WDR3: variants seen among roughly 807,000 people sequenced by gnomAD.
WDR3 encodes WD repeat-containing protein 3.
WDR3 carries 81 observed loss-of-function variants against 123.7 expected under a neutral mutation model. The observed-to-expected ratio is 0.65, with a 90% CI of 0.55 to 0.79. WDR3 has a LOEUF of 0.79. Ranked by LOEUF, WDR3 falls within the 30% of genes least tolerant of loss-of-function variation. The pLI is 0.00. For missense variants in WDR3, 1,027 were observed against 1,123.2 expected, an observed-to-expected ratio of 0.91 and a Z score of 1.22; for synonymous variants, 390 against 388.8, an observed-to-expected ratio of 1.00 and a Z score of -0.04.
chr1:117,966,487 A>G lies in WDR3; in HGVS notation c.*7040A>G, dbSNP rs942432663. 7.7e-6 allele frequency: 8 copies of G among 1,044,472 alleles called. No homozygotes were observed. Among genetic ancestry groups the G allele is most frequent in the East Asian group, 5.3e-5 (2 of 37,834 alleles). The allele number at this position is 1,044,472 out of a possible 1,614,324, so 64.7% of individuals were successfully genotyped here. A position where few individuals can be genotyped will look rare whatever the true frequency, so the allele number is the denominator to read the frequency against. ...ATGAAGATGCTCTTTGTCTTAATAAATTTAACTCTGATTTTGAAGATAGAA... is the reference window on the plus strand; with the variant it reads ...ATGAAGATGCTCTTTGTCTTAATAAGTTTAACTCTGATTTTGAAGATAGAA... On this transcript the variant is annotated 3_prime_UTR_variant, in exon 27 of 27. Coordinates refer to ENST00000349139, the MANE Select transcript of WDR3 (RefSeq NM_006784.3).
In WDR3 at chr1:117,954,212, A is replaced by G. The variant is rs979156404; in HGVS notation, c.2361+113A>G. Reference sequence around the variant, plus strand: ...CAGGATATGCAATAAATGGAATAGAATCTTTCCAACTCACTATATTAGAAG... The same window carrying G: ...CAGGATATGCAATAAATGGAATAGAGTCTTTCCAACTCACTATATTAGAAG... On this transcript the variant is annotated intron_variant, in intron 22 of 26. Coordinates refer to ENST00000349139, the MANE Select transcript of WDR3 (RefSeq NM_006784.3). 4 of 886,838 alleles carry G rather than the reference A, an allele frequency of 4.5e-6. No individual in the cohort carries two copies. In the African/African-American group the frequency reaches 5.1e-5, roughly 11 times the overall value. 54.9% of individuals were successfully genotyped at this position (886,838 alleles called of 1,614,324 possible). A position where few individuals can be genotyped will look rare whatever the true frequency, so the allele number is the denominator to read the frequency against.
intron 16 of WDR3, 23 bp from the exon 17 acceptor site, chr1:117,951,953 T>C: frequency 3.1e-6 from 5 of 1,592,858 alleles, no homozygotes; most frequent in South Asian, 1.1e-5. Flanking sequence ...ATCAAGGTAG[T>C]GTTTTACTTT....
chr1:117,948,469 A>T lies in WDR3; in HGVS notation c.1487A>T (p.Asp496Val). 1 of 1,613,970 alleles carries T rather than the reference A, an allele frequency of 6.2e-7. No homozygotes were observed. The highest frequency in any genetic ancestry group is 8.5e-7 in the Non-Finnish European group (1 of 1,179,934). ...GNLLETIDAHDGALWSMSLSP... is the reference protein window; with the variant it reads ...GNLLETIDAHVGALWSMSLSP... ...CTGCTGGAGACAATAGATGCACATG[A>T]TGGAGCTTTGTGGTCCATGTCCCTC... Residue 496 changes from aspartate to valine, a missense_variant, in exon 13 of 27, where the codon GAT (aspartate) becomes GTT (valine). Physicochemically the swap from Asp to Val is radical, Grantham distance 152 (BLOSUM62 -3). Transcript: ENST00000349139.
intron 24 of WDR3, 96 bp downstream of exon 24, chr1:117,955,454 G>A: frequency 8.4e-7 from 1 of 1,193,346 alleles, no homozygotes; most frequent in Non-Finnish European, 1.2e-6. Context: ...ATAATTGATG[G>A]TTATCTTATA....
rs1247876003 is a variant in WDR3 at position 117,937,802 on chromosome 1, G to A, written c.501-678G>A. 3.9e-5 allele frequency among the ~76,000 whole-genome samples: 6 copies of A among 152,234 alleles called. No individual in the cohort carries two copies. The East Asian group carries it at 1.2e-3, about 29-fold the overall frequency. Reference sequence around the variant, plus strand: ...TGAGCAGGAGTAGTAGAGGCCATTGGCTGCGAGAGGTTATATTTAGGGGGT... The same window carrying A: ...TGAGCAGGAGTAGTAGAGGCCATTGACTGCGAGAGGTTATATTTAGGGGGT... On this transcript the variant is annotated intron_variant, in intron 4 of 26. Transcript: ENST00000349139.
intron 1 of WDR3, among the ~76,000 whole-genome samples, chr1:117,930,223 A>G (rs1052193909): frequency 6.6e-6 from 1 of 152,204 alleles, no homozygotes; most frequent in Non-Finnish European, 1.5e-5. Context: ...TTGGTCGTGA[A>G]CTGTCAGAAA....
intron 3 of WDR3, among the ~76,000 whole-genome samples, chr1:117,934,893 A>C (rs1335910379): frequency 2.0e-5 from 3 of 152,210 alleles, no homozygotes; most frequent in African/African-American, 7.2e-5. Flanking sequence ...AAAGCCTCTT[A>C]AGTGTAGGAA....
At chr1:117,931,408 A>G (rs74113097) in intron 1 of WDR3, among the ~76,000 whole-genome samples, 5,831 of 152,336 alleles carry the variant, frequency 0.038, 231 homozygotes, top group African/African-American at 0.095. Flanking sequence ...TTTTATTAAT[A>G]ATTCAAAGGT....
At chr1:117,954,669 G>T (rs2295631) in intron 23 of WDR3, 42 bp downstream of exon 23, 34,958 of 1,585,724 alleles carry the variant, frequency 0.022, 1,362 homozygotes, top group South Asian at 0.11. Flanking sequence ...TTATTAAAAG[G>T]TTACTTACAA....
chr1:117,942,856 C>A (rs1446103465), intron 10 of WDR3, among the ~76,000 whole-genome samples: 2 of 147,890 alleles, frequency 1.4e-5, no homozygotes, highest in East Asian at 4.0e-4. Context: ...TACACAGAAC[C>A]AAAGTATGTA....
At chr1:117,947,233 G>C (rs957648171) in intron 12 of WDR3, among the ~76,000 whole-genome samples, 1 of 152,204 alleles carries the variant, frequency 6.6e-6, no homozygotes, top group African/African-American at 2.4e-5. Flanking sequence ...GCTGGTAGCA[G>C]ACATAGCAGT....
chr1:117,954,987 G>T, intron 23 of WDR3: 1 of 379,482 alleles, frequency 2.6e-6, no homozygotes, highest in Admixed American at 4.3e-5. Flanking sequence ...AAGAGAGAGA[G>T]GGGAAGAGTG....
At chr1:117,937,915 A>G (rs1651002482) in intron 4 of WDR3, among the ~76,000 whole-genome samples, 1 of 152,216 alleles carries the variant, frequency 6.6e-6, no homozygotes, top group Admixed American at 6.5e-5. Flanking sequence ...TGCAAATATT[A>G]AAAATTAAGG....
chr1:117,965,884 C>T lies in WDR3; in HGVS notation c.*6437C>T, dbSNP rs1440815413. 6.6e-6 allele frequency: 1 copy of T among 152,214 alleles called. No homozygotes were observed. Among genetic ancestry groups the T allele is most frequent in the Non-Finnish European group, 1.5e-5 (1 of 68,036 alleles). 9.4% of individuals were successfully genotyped at this position (152,214 alleles called of 1,614,324 possible). A position where few individuals can be genotyped will look rare whatever the true frequency, so the allele number is the denominator to read the frequency against. ...ATACTCAAGCTTTTGGCAAGTTGAA[C>T]TCCCTGCCAATCATCCCAAACACCT... is the stretch of plus-strand genomic sequence containing the variant. On this transcript the variant is annotated 3_prime_UTR_variant, in exon 27 of 27. Transcript: ENST00000349139.
chr1:117,958,740 G>A (rs1652580143), intron 25 of WDR3, among the ~76,000 whole-genome samples, 170 bp from the exon 26 acceptor site: 1 of 148,906 alleles, frequency 6.7e-6, no homozygotes, highest in Non-Finnish European at 1.5e-5. Flanking sequence ...AAATTGAACT[G>A]AATAGTAGAG....
At chr1:117,945,644 C>G (rs942263349) in intron 11 of WDR3, among the ~76,000 whole-genome samples, 13 of 152,166 alleles carry the variant, frequency 8.5e-5, no homozygotes, top group African/African-American at 3.1e-4. Context: ...GCACCTAGAA[C>G]AGTACCTGGT....
chr1:117,962,761 T>A lies in WDR3; in HGVS notation c.*3314T>A, dbSNP rs1250869528. The stretch of plus-strand genomic sequence containing the variant: ...TCATTCTAAAGATATCTAGCAAATC[T>A]CCAGCAGAGATCTAGGACAGTGCCC... On this transcript the variant is annotated 3_prime_UTR_variant, in exon 27 of 27. Coordinates refer to ENST00000349139, the MANE Select transcript of WDR3 (RefSeq NM_006784.3). 1 of 152,186 alleles carries A rather than the reference T, an allele frequency of 6.6e-6. No homozygotes were observed. Among genetic ancestry groups the A allele is most frequent in the Admixed American group, 6.5e-5 (1 of 15,278 alleles). 9.4% of individuals were successfully genotyped at this position (152,186 alleles called of 1,614,324 possible). A position where few individuals can be genotyped will look rare whatever the true frequency, so the allele number is the denominator to read the frequency against.
At position 117,952,092 on chromosome 1, in the gene WDR3, T is replaced by A; in HGVS notation, c.1904+16T>A. The A allele has an allele frequency of 6.2e-7, 1 of 1,606,942 alleles. No homozygotes were observed. The highest frequency in any genetic ancestry group is 8.5e-7 in the Non-Finnish European group (1 of 1,176,746). The stretch of plus-strand genomic sequence containing the variant: ...ATGATGACAGGTATGTATAGTCTTT[T>A]CAAATGTCTCCCTTTGAGTCACCTG... On this transcript the variant is annotated intron_variant, in intron 17 of 26. Transcript: ENST00000349139.
At position 117,952,910 on chromosome 1, in the gene WDR3, T is replaced by C. The variant is rs1425414058; in HGVS notation, c.2152-36T>C. The stretch of plus-strand genomic sequence containing the variant: ...TCTCTTCATATAGAGACCATGTTTT[T>C]TTCTCTCAAATTAATGTATATCTAT... On this transcript the variant is annotated intron_variant, in intron 19 of 26. Coordinates refer to ENST00000349139, the MANE Select transcript of WDR3 (RefSeq NM_006784.3). The C allele has an allele frequency of 2.5e-6, 4 of 1,609,502 alleles. No homozygotes were observed. In the South Asian group the frequency reaches 3.3e-5, roughly 13 times the overall value.
Sources: gnomAD v4.1 joint callset for allele counts (sites outside exome capture counted in the v4.1 genomes callset) on GRCh38, gnomAD v4.1.1 for gene constraint, MANE v1.5 for transcripts, NCBI Gene and HGNC (gene_info 2026-07-23, HGNC 2026-07-21) for gene names.